Variants in RBFOX1 observed in about 807,000 individuals in gnomAD.
RBFOX1 encodes RNA binding protein fox-1 homolog 1.
RBFOX1 carries 8 observed loss-of-function variants against 57.7 expected under a neutral mutation model. The observed-to-expected ratio is 0.14, with a 90% CI of 0.08 to 0.25. The LOEUF is 0.25. Among genes scored for constraint, RBFOX1 ranks in the 10% least tolerant of loss-of-function variants. RBFOX1 has a pLI of 1.00. For missense variants in RBFOX1, 611 were observed against 548.5 expected, an observed-to-expected ratio of 1.11 and a Z score of -1.14; for synonymous variants, 326 against 222.4, an observed-to-expected ratio of 1.47 and a Z score of -4.15.
chr16:6,110,049 T>C (rs1473863781), intron 1 of RBFOX1, among the ~76,000 whole-genome samples: 1 of 152,128 alleles, frequency 6.6e-6, no homozygotes, highest in Non-Finnish European at 1.5e-5. Flanking sequence ...AATAACCTCA[T>C]GTGATTTATT....
intron 2 of RBFOX1, among the ~76,000 whole-genome samples, chr16:5,472,252 C>G (rs1174471464): frequency 6.6e-6 from 1 of 152,146 alleles, no homozygotes. Context: ...ACCCACGAGG[C>G]ATAGGGAAGC....
At chr16:6,563,155 G>C (rs1307128704) in intron 2 of RBFOX1, among the ~76,000 whole-genome samples, 7 of 152,046 alleles carry the variant, frequency 4.6e-5, no homozygotes, top group African/African-American at 1.4e-4. Flanking sequence ...GGTGGTTCCT[G>C]TGTTGTCGTC....
intron 4 of RBFOX1, among the ~76,000 whole-genome samples, chr16:7,362,351 G>A (rs921213817): frequency 6.7e-6 from 1 of 149,376 alleles, no homozygotes; most frequent in South Asian, 2.1e-4. Flanking sequence ...GTGTATGTGT[G>A]TTTGTGTGTA....
At chr16:6,277,398 A>G (rs893416479) in intron 1 of RBFOX1, among the ~76,000 whole-genome samples, 2 of 144,158 alleles carry the variant, frequency 1.4e-5, no homozygotes, top group Admixed American at 1.5e-4. Flanking sequence ...CTGAGGCAGC[A>G]TTGAACCGTG....
chr16:5,959,324 G>A (rs137959945), intron 4 of RBFOX1, among the ~76,000 whole-genome samples: 1,742 of 152,230 alleles, frequency 0.011, 21 homozygotes, highest in Non-Finnish European at 0.016. Context: ...TTCTTCCTCA[G>A]CCTGAATCTC....
chr16:6,372,777 G>C lies in RBFOX1; in HGVS notation c.-64+55720G>C, dbSNP rs1054095489. Among the ~76,000 whole-genome samples the C allele has an allele frequency of 1.1e-3, 171 of 152,016 alleles. 1 individual carries two copies. Among genetic ancestry groups the C allele is most frequent in the African/African-American group, 4.0e-3 (164 of 41,390 alleles). ...ACAGTTGGTTAGGATTGTTGGGTAG[G>C]AGTATTGTTGGGTGGAATGGAGATT... On this transcript the variant is annotated intron_variant, in intron 2 of 15. Coordinates refer to ENST00000550418, the MANE Select transcript of RBFOX1 (RefSeq NM_018723.4).
intron 3 of RBFOX1, among the ~76,000 whole-genome samples, chr16:7,025,716 T>G (rs539090030): frequency 2.6e-5 from 4 of 152,148 alleles, no homozygotes; most frequent in African/African-American, 9.6e-5. Context: ...GCACTGCCAG[T>G]CAGGACATCC....
At chr16:7,016,749 C>G (rs977010903) in intron 3 of RBFOX1, among the ~76,000 whole-genome samples, 1 of 152,214 alleles carries the variant, frequency 6.6e-6, no homozygotes, top group East Asian at 1.9e-4. Context: ...AAACTGTCTA[C>G]TTCACTGGGC....
intron 3 of RBFOX1, among the ~76,000 whole-genome samples, chr16:6,757,137 G>C (rs1473770101): frequency 6.6e-6 from 1 of 152,088 alleles, no homozygotes; most frequent in Admixed American, 6.6e-5. Context: ...TTATCAAAAA[G>C]ATAAAAAATA....
At position 5,365,913 on chromosome 16, in the gene RBFOX1, C is replaced by T. The variant is rs1158632611; in HGVS notation, c.220-101303C>T. The stretch of plus-strand genomic sequence containing the variant: ...CAAGGTGGATAATGATGAAAAGGAG[C>T]ACCAGTTATCTTTAAGAATGGTCAG... On this transcript the variant is annotated intron_variant, in intron 1 of 2. Transcript: ENST00000585867. 4 of 497,676 alleles carry T rather than the reference C, an allele frequency of 8.0e-6. No homozygotes were observed. The Admixed American group carries it at 8.2e-5, about 10-fold the overall frequency. 30.8% of individuals were successfully genotyped at this position (497,676 alleles called of 1,614,324 possible). A position where few individuals can be genotyped will look rare whatever the true frequency, so the allele number is the denominator to read the frequency against.
intron 1 of RBFOX1, among the ~76,000 whole-genome samples, chr16:5,295,809 G>A (rs2063653013): frequency 1.3e-5 from 2 of 152,178 alleles, no homozygotes; most frequent in Admixed American, 6.5e-5. Flanking sequence ...ACAGGGAAGA[G>A]GTTGTACAAG....
chr16:5,457,483 C>G (rs2068665069), intron 1 of RBFOX1, among the ~76,000 whole-genome samples: 1 of 152,180 alleles, frequency 6.6e-6, no homozygotes, highest in African/African-American at 2.4e-5. Flanking sequence ...TAGAGTTCCA[C>G]TTTCATGAGC....
rs528309349 is a variant in RBFOX1, at chr16:5,688,554, C to A, written c.318+89593C>A. Among the ~76,000 whole-genome samples the A allele has an allele frequency of 2.6e-5, 4 of 152,270 alleles. No individual in the cohort carries two copies. The East Asian group carries it at 7.7e-4, about 29-fold the overall frequency. ...GTCCAGTGATGTTCCCTTTCCTCCT[C>A]AGCTCTGAGATACTGCAGTTGGTCT... On this transcript the variant is annotated intron_variant, in intron 3 of 19. Transcript: ENST00000641259.
At chr16:6,976,788 T>C (rs2086997731) in intron 3 of RBFOX1, among the ~76,000 whole-genome samples, 1 of 128,636 alleles carries the variant, frequency 7.8e-6, no homozygotes, top group Non-Finnish European at 1.5e-5. Flanking sequence ...CAATATATTA[T>C]ATATATGATA....
At chr16:6,678,541 A>G (rs151116633) in intron 3 of RBFOX1, among the ~76,000 whole-genome samples, 64 of 151,770 alleles carry the variant, frequency 4.2e-4, no homozygotes, top group Non-Finnish European at 7.8e-4. Context: ...GAGTGAAACC[A>G]AAGATTTGAG....
chr16:5,322,745 T>C (rs1448296857), intron 1 of RBFOX1, among the ~76,000 whole-genome samples: 1 of 152,204 alleles, frequency 6.6e-6, no homozygotes, highest in South Asian at 2.1e-4. Context: ...TTTCTTTCTC[T>C]GACCCACAGT....
rs187907290 is a variant in RBFOX1, at chr16:6,827,804, C to T, written c.-16+173154C>T. On this transcript the variant is annotated intron_variant, in intron 3 of 15. Coordinates refer to ENST00000550418, the MANE Select transcript of RBFOX1 (RefSeq NM_018723.4). ...TTCCCTGGCCTTTATCCCAGGTCAG[C>T]TTCGCTTCTGCAGGAATGCCTGCCT... Among the ~76,000 whole-genome samples the T allele has an allele frequency of 2.0e-4, 30 of 152,338 alleles. 1 individual carries two copies. The highest frequency in any genetic ancestry group is 7.2e-4 in the African/African-American group (30 of 41,576).
intron 1 of RBFOX1, among the ~76,000 whole-genome samples, chr16:6,259,898 G>T (rs7200182): frequency 0.17 from 25,898 of 150,656 alleles, 3,775 homozygotes; most frequent in African/African-American, 0.4. Flanking sequence ...GAGATGGAGG[G>T]TGCTGTGAGC....
At chr16:6,164,432 T>C (rs533636262) in intron 1 of RBFOX1, among the ~76,000 whole-genome samples, 6 of 152,074 alleles carry the variant, frequency 3.9e-5, no homozygotes, top group South Asian at 4.2e-4. Context: ...TTAGAAGTGA[T>C]GTTTTCCACA....
Sources: gnomAD v4.1 joint callset for allele counts (sites outside exome capture counted in the v4.1 genomes callset) on GRCh38, gnomAD v4.1.1 for gene constraint, MANE v1.5 for transcripts, NCBI Gene and HGNC (gene_info 2026-07-23, HGNC 2026-07-21) for gene names.